Variants in RBMS3 observed in about 807,000 individuals in gnomAD.
RBMS3 encodes the protein RNA-binding motif, single-stranded-interacting protein 3.
In RBMS3, 27 loss-of-function variants were observed where a neutral mutation model predicts 66.8. The observed-to-expected ratio is 0.40, with a 90% confidence interval of 0.30 to 0.56. The LOEUF (loss-of-function observed/expected upper bound fraction) is 0.56, where lower values mean the gene tolerates loss of function less well. Ranked by LOEUF, RBMS3 falls within the 20% of genes least tolerant of loss-of-function variation. The pLI, the probability that RBMS3 is intolerant of heterozygous loss-of-function variation, is 0.40. For synonymous variants in RBMS3, 188 were observed against 183.0 expected, an observed-to-expected ratio of 1.03 and a Z score of -0.22; for missense variants, 513 against 549.5, an observed-to-expected ratio of 0.93 and a Z score of 0.66.
intron 6 of RBMS3, among the ~76,000 whole-genome samples, chr3:29,817,192 C>CTTTGTTTT (rs1553677828): frequency 1.2e-4 from 15 of 127,198 alleles, no homozygotes; most frequent in Admixed American, 6.3e-4. Flanking sequence ...ATTTTCTTTT[C>CTTTGTTTT]TTTTTTTTTT....
chr3:29,336,429 A>T (rs2035951787), intron 1 of RBMS3, among the ~76,000 whole-genome samples: 1 of 152,148 alleles, frequency 6.6e-6, no homozygotes, highest in African/African-American at 2.4e-5. Flanking sequence ...GACACATGCC[A>T]ATATTGATTT....
intron 4 of RBMS3, among the ~76,000 whole-genome samples, chr3:29,731,290 A>T (rs115516488): frequency 6.6e-6 from 1 of 152,198 alleles, no homozygotes; most frequent in Admixed American, 6.5e-5. Flanking sequence ...CTTCTTTTTA[A>T]AAAAGTATTT....
At chr3:29,344,190 T>A (rs2036440321) in intron 1 of RBMS3, among the ~76,000 whole-genome samples, 1 of 152,148 alleles carries the variant, frequency 6.6e-6, no homozygotes, top group African/African-American at 2.4e-5. Flanking sequence ...GCAAAGAAAC[T>A]AAGCTCCCTC....
At chr3:29,780,376 GAATATTA>G (rs537600669) in intron 6 of RBMS3, among the ~76,000 whole-genome samples, 1 of 151,368 alleles carries the variant, frequency 6.6e-6, no homozygotes, top group South Asian at 2.1e-4. Flanking sequence ...TCTATATTGA[GAATATTA>G]AACATTTGTC....
At position 29,969,535 on chromosome 3, in the gene RBMS3, C is replaced by T. The variant is rs556844717; in HGVS notation, c.1099-18608C>T. ...GTCCTCTCTATCATGGTAACAGAGT[C>T]GCTGACCCATAAGCTTACACTACAC... On this transcript the variant is annotated intron_variant, in intron 12 of 14. Coordinates refer to ENST00000383767, the MANE Select transcript of RBMS3 (RefSeq NM_001003793.3). Among the ~76,000 whole-genome samples the T allele has an allele frequency of 7.9e-5, 12 of 152,244 alleles. No homozygotes were observed. The East Asian group carries it at 1.2e-3, about 15-fold the overall frequency.
chr3:29,491,002 A>C (rs2043522056), intron 3 of RBMS3, among the ~76,000 whole-genome samples: 1 of 152,218 alleles, frequency 6.6e-6, no homozygotes, highest in South Asian at 2.1e-4. Flanking sequence ...ATACTTCCTT[A>C]TGCAGAGTTT....
At chr3:29,322,095 T>C (rs1025282911) in intron 1 of RBMS3, among the ~76,000 whole-genome samples, 1 of 152,096 alleles carries the variant, frequency 6.6e-6, no homozygotes, top group African/African-American at 2.4e-5. Context: ...TTCTAAAGGA[T>C]GCTCCATCTA....
intron 4 of RBMS3, among the ~76,000 whole-genome samples, chr3:29,704,518 C>T (rs144392594): frequency 5.3e-4 from 81 of 152,314 alleles, no homozygotes; most frequent in African/African-American, 1.8e-3. Context: ...GGGCAAATCA[C>T]TTAACCTCTC....
intron 1 of RBMS3, among the ~76,000 whole-genome samples, chr3:29,362,691 A>G (rs1265675953): frequency 1.3e-5 from 2 of 152,164 alleles, no homozygotes; most frequent in African/African-American, 4.8e-5. Context: ...AACCTAAATG[A>G]TTTCTTCCAA....
intron 1 of RBMS3, among the ~76,000 whole-genome samples, chr3:29,408,639 T>TA (rs2040131495): frequency 6.6e-6 from 1 of 152,138 alleles, no homozygotes; most frequent in Non-Finnish European, 1.5e-5. Context: ...TACACTTTTT[T>TA]TATATATATA....
intron 5 of RBMS3, among the ~76,000 whole-genome samples, chr3:29,758,799 AAAAATAGTTT>A (rs2055536249): frequency 6.6e-6 from 1 of 152,178 alleles, no homozygotes; most frequent in Non-Finnish European, 1.5e-5. Context: ...TAGTACTTTA[AAAAATAGTTT>A]AATGTTGACC....
chr3:29,791,954 T>A (rs1452949829), intron 6 of RBMS3, among the ~76,000 whole-genome samples: 2 of 152,212 alleles, frequency 1.3e-5, no homozygotes, highest in Non-Finnish European at 2.9e-5. Flanking sequence ...TATTTTTTAA[T>A]GAAATATAAT....
At chr3:29,583,849 A>C (rs954097727) in intron 3 of RBMS3, among the ~76,000 whole-genome samples, 15 of 152,080 alleles carry the variant, frequency 9.9e-5, no homozygotes, top group African/African-American at 3.6e-4. Flanking sequence ...TTACATGAAT[A>C]CTCAGCAGTT....
chr3:29,765,417 A>C (rs2055880844), intron 6 of RBMS3, among the ~76,000 whole-genome samples: 2 of 151,926 alleles, frequency 1.3e-5, no homozygotes, highest in Admixed American at 6.6e-5. Context: ...CCAATTTCCG[A>C]ATCTTTTTCA....
intron 4 of RBMS3, among the ~76,000 whole-genome samples, chr3:29,593,383 A>G (rs952403599): frequency 6.6e-6 from 1 of 152,136 alleles, no homozygotes; most frequent in Non-Finnish European, 1.5e-5. Context: ...TTTGCTATTT[A>G]TTGGTCACTA....
At chr3:29,326,380 T>A (rs926983934) in intron 1 of RBMS3, among the ~76,000 whole-genome samples, 1 of 152,198 alleles carries the variant, frequency 6.6e-6, no homozygotes, top group African/African-American at 2.4e-5. Flanking sequence ...TAAAATGAGC[T>A]TCTCCACCTT....
At chr3:29,755,642 G>A (rs563538442) in intron 5 of RBMS3, among the ~76,000 whole-genome samples, 1 of 152,346 alleles carries the variant, frequency 6.6e-6, no homozygotes, top group Admixed American at 6.5e-5. Context: ...TTGAGAGCCA[G>A]AGCCTCAGAG....
At chr3:29,881,055 A>T (rs2059726061) in intron 7 of RBMS3, among the ~76,000 whole-genome samples, 1 of 152,190 alleles carries the variant, frequency 6.6e-6, no homozygotes, top group Non-Finnish European at 1.5e-5. Flanking sequence ...AAGATCCTCC[A>T]TCCTTACCTT....
At chr3:29,595,129 T>A (rs565236861) in intron 4 of RBMS3, among the ~76,000 whole-genome samples, 2 of 152,272 alleles carry the variant, frequency 1.3e-5, no homozygotes, top group South Asian at 2.1e-4. Context: ...CCAGGTGCAG[T>A]GGCTCACGCC....
Sources: allele counts gnomAD v4.1 joint callset (sites outside exome capture counted in the v4.1 genomes callset), GRCh38; gene constraint gnomAD v4.1.1; transcripts MANE v1.5; gene names NCBI Gene and HGNC (gene_info 2026-07-23, HGNC 2026-07-21).